Variants in PCSK5 observed in about 807,000 individuals in gnomAD.
PCSK5 encodes proprotein convertase subtilisin/kexin type 5, also known as prohormone convertase 5.
In PCSK5, 129 loss-of-function variants were observed where a neutral mutation model predicts 233.2. The ratio of observed to expected loss-of-function variants is 0.55; its 90% CI spans 0.48 to 0.64. The LOEUF (loss-of-function observed/expected upper bound fraction) is 0.64, where lower values mean the gene tolerates loss of function less well. Among genes scored for constraint, PCSK5 ranks in the 30% least tolerant of loss-of-function variants. The probability of loss-of-function intolerance (pLI) is 0.00; values close to 1 mark genes in which losing one functional copy is unlikely to be tolerated. For missense variants in PCSK5, 2,076 were observed against 2,430.1 expected (o/e 0.85, Z 3.06); for synonymous variants, 825 against 879.2 (o/e 0.94, Z 1.09).
At chr9:75,997,720 A>G (rs149093062) in intron 3 of PCSK5, among the ~76,000 whole-genome samples, 2 of 152,350 alleles carry the variant, frequency 1.3e-5, no homozygotes, top group African/African-American at 4.8e-5. Flanking sequence ...ACAGTCAAAA[A>G]TGCATTCACC....
chr9:76,142,334 CA>C (rs1286744298), intron 10 of PCSK5, among the ~76,000 whole-genome samples: 2 of 151,644 alleles, frequency 1.3e-5, no homozygotes, highest in Admixed American at 1.3e-4. Context: ...TTTATGTGGA[CA>C]AATTATAATT....
intron 24 of PCSK5, among the ~76,000 whole-genome samples, chr9:76,261,265 T>C (rs147853590): frequency 1.2e-3 from 189 of 152,274 alleles, no homozygotes; most frequent in African/African-American, 4.2e-3. Context: ...ATCAGGACAA[T>C]CCCAAATGAG....
chr9:76,295,589 C>CT (rs1481993305), intron 26 of PCSK5, among the ~76,000 whole-genome samples, 178 bp downstream of exon 26: 1 of 152,176 alleles, frequency 6.6e-6, no homozygotes, highest in Non-Finnish European at 1.5e-5. Flanking sequence ...CCTCCTTCTG[C>CT]TTTTATTACT....
At chr9:76,329,758 G>T (rs527883900) in intron 33 of PCSK5, among the ~76,000 whole-genome samples, 2 of 151,906 alleles carry the variant, frequency 1.3e-5, no homozygotes, top group Admixed American at 1.3e-4. Flanking sequence ...GCTTGAACCC[G>T]GGAGACAGAG....
At chr9:75,939,381 TTC>T (rs1735433138) in intron 2 of PCSK5, among the ~76,000 whole-genome samples, 1 of 152,218 alleles carries the variant, frequency 6.6e-6, no homozygotes, top group South Asian at 2.1e-4. Flanking sequence ...TTGACAACAT[TTC>T]TCTGAGAGAT....
intron 20 of PCSK5, chr9:76,196,034 C>G (rs975171388): frequency 6.6e-6 from 1 of 151,768 alleles, no homozygotes; most frequent in African/African-American, 2.4e-5. Context: ...AAAGAGTGAG[C>G]AGAGGAGGGA....
chr9:76,180,126 C>T lies in PCSK5; in HGVS notation c.2003+428C>T, dbSNP rs575667563. Among the ~76,000 whole-genome samples the T allele has an allele frequency of 7.5e-5, 11 of 146,218 alleles. No homozygotes were observed. The South Asian group carries it at 1.3e-3, about 17-fold the overall frequency. On this transcript the variant is annotated intron_variant, in intron 15 of 37. Coordinates refer to ENST00000674117, the MANE Select transcript of PCSK5 (RefSeq NM_001372043.1). Reference sequence around the variant, plus strand: ...ATATACACACACACACATATACATACGTACACACGTTTTGGAACAACTAAA... The same window carrying T: ...ATATACACACACACACATATACATATGTACACACGTTTTGGAACAACTAAA...
At chr9:76,005,352 C>A (rs976115931) in intron 3 of PCSK5, among the ~76,000 whole-genome samples, 1 of 151,958 alleles carries the variant, frequency 6.6e-6, no homozygotes, top group South Asian at 2.1e-4. Flanking sequence ...TTAGAGCTCT[C>A]GCTCATCTTT....
chr9:76,011,929 C>CT (rs946048266), intron 3 of PCSK5, among the ~76,000 whole-genome samples: 6 of 151,926 alleles, frequency 3.9e-5, no homozygotes, highest in African/African-American at 1.2e-4. Context: ...CATGCAAGGT[C>CT]TTTTTTTTAT....
chr9:76,184,616 T>G (rs1409220027), intron 16 of PCSK5, 57 bp from the exon 17 acceptor site: 45 of 1,136,598 alleles, frequency 4.0e-5, no homozygotes, highest in Non-Finnish European at 1.5e-5. Flanking sequence ...ACATCTCTGA[T>G]GCTTTTATGG....
intron 34 of PCSK5, among the ~76,000 whole-genome samples, chr9:76,336,029 T>A (rs545701236): frequency 6.6e-6 from 1 of 152,252 alleles, no homozygotes; most frequent in East Asian, 1.9e-4. Context: ...ATTTCACTTT[T>A]CCCTGATGGT....
At position 76,247,586 on chromosome 9, in the gene PCSK5, C is replaced by G. The variant is rs184822944; in HGVS notation, c.3142+6902C>G. Among the ~76,000 whole-genome samples the G allele has an allele frequency of 1.4e-4, 22 of 152,252 alleles. No individual in the cohort carries two copies. In the East Asian group the frequency reaches 3.3e-3, roughly 23 times the overall value. On this transcript the variant is annotated intron_variant, in intron 24 of 37. Coordinates refer to ENST00000674117, the MANE Select transcript of PCSK5 (RefSeq NM_001372043.1). Reference sequence around the variant, plus strand: ...CCAGCTAGGCTTAGGGATTCTTAGTCAGCCTAGGAAATCCAGCTAGTCCTG... The same window carrying G: ...CCAGCTAGGCTTAGGGATTCTTAGTGAGCCTAGGAAATCCAGCTAGTCCTG...
intron 11 of PCSK5, 118 bp from the exon 12 acceptor site, chr9:76,158,865 T>A (rs765854941): frequency 1.2e-6 from 1 of 825,944 alleles, no homozygotes; most frequent in Non-Finnish European, 2.0e-6. Flanking sequence ...GCACTGTTGT[T>A]TAGTATCCAG....
At chr9:76,064,462 A>AC (rs1184349126) in intron 5 of PCSK5, among the ~76,000 whole-genome samples, 35 of 102,910 alleles carry the variant, frequency 3.4e-4, no homozygotes, top group Non-Finnish European at 5.6e-4. Context: ...GGGGGGGCTG[A>AC]CCCCCCACCT....
At chr9:76,066,495 C>T (rs372051994) in intron 5 of PCSK5, among the ~76,000 whole-genome samples, 6 of 152,028 alleles carry the variant, frequency 3.9e-5, no homozygotes, top group African/African-American at 1.4e-4. Context: ...CAAGATTGTT[C>T]TTCGTATTGT....
intron 5 of PCSK5, among the ~76,000 whole-genome samples, chr9:76,049,895 C>A (rs1829563013): frequency 6.6e-6 from 1 of 152,150 alleles, no homozygotes; most frequent in Non-Finnish European, 1.5e-5. Context: ...GCCTATTTAA[C>A]AAATATTGAA....
chr9:76,302,427 G>A (rs1363465297), intron 28 of PCSK5, among the ~76,000 whole-genome samples: 1 of 152,190 alleles, frequency 6.6e-6, no homozygotes, highest in Non-Finnish European at 1.5e-5. Flanking sequence ...AAGTTCCGCA[G>A]TGGAGATTTC....
At chr9:76,328,521 A>G (rs1420726119) in intron 33 of PCSK5, among the ~76,000 whole-genome samples, 3 of 151,628 alleles carry the variant, frequency 2.0e-5, no homozygotes, top group Non-Finnish European at 4.4e-5. Flanking sequence ...CTCTCTCTCT[A>G]TCGCTCTCTT....
chr9:75,935,330 G>A (rs1451597553), intron 2 of PCSK5, among the ~76,000 whole-genome samples: 1 of 152,202 alleles, frequency 6.6e-6, no homozygotes, highest in Non-Finnish European at 1.5e-5. Flanking sequence ...GCCTCCCAGA[G>A]TGCTGGGATT....
Sources: allele counts gnomAD v4.1 joint callset (sites outside exome capture counted in the v4.1 genomes callset), GRCh38; gene constraint gnomAD v4.1.1; transcripts MANE v1.5; gene names NCBI Gene and HGNC (gene_info 2026-07-23, HGNC 2026-07-21).